Variants in ZNF407 observed in about 807,000 individuals in gnomAD.
The protein encoded by ZNF407 is zinc finger protein 407.
A neutral mutation model predicts 131.2 loss-of-function variants in ZNF407; 17 were observed. The ratio of observed to expected loss-of-function variants is 0.13; its 90% confidence interval spans 0.09 to 0.19. ZNF407 has a LOEUF of 0.19. Ranked by LOEUF, ZNF407 falls within the 10% of genes least tolerant of loss-of-function variation. The probability of loss-of-function intolerance (pLI) is 1.00; values close to 1 mark genes in which losing one functional copy is unlikely to be tolerated. For synonymous variants in ZNF407, 1,156 were observed against 1,062.0 expected, an observed-to-expected ratio of 1.09 and a Z score of -1.72; for missense variants, 2,681 against 2,830.6, an observed-to-expected ratio of 0.95 and a Z score of 1.20.
chr18:74,693,298 G>A (rs182701426), intron 3 of ZNF407, among the ~76,000 whole-genome samples: 48 of 152,298 alleles, frequency 3.2e-4, no homozygotes, highest in Non-Finnish European at 4.4e-5. Flanking sequence ...CTCATTGTTA[G>A]CATGGGAGTG....
chr18:74,926,537 C>T (rs1406542957), intron 8 of ZNF407, among the ~76,000 whole-genome samples: 3 of 152,170 alleles, frequency 2.0e-5, no homozygotes, highest in Non-Finnish European at 4.4e-5. Flanking sequence ...GGCGTGGTGG[C>T]TCACGCCTGT....
At chr18:74,954,193 A>G (rs1375526989) in intron 8 of ZNF407, among the ~76,000 whole-genome samples, 1 of 152,180 alleles carries the variant, frequency 6.6e-6, no homozygotes, top group Non-Finnish European at 1.5e-5. Flanking sequence ...GCATTTTTTG[A>G]TCATTTGGCT....
At chr18:74,890,619 A>G (rs1346854562) in intron 7 of ZNF407, among the ~76,000 whole-genome samples, 1 of 152,210 alleles carries the variant, frequency 6.6e-6, no homozygotes, top group Non-Finnish European at 1.5e-5. Context: ...CAACCCATTT[A>G]TGGTATCTTG....
chr18:75,026,747 A>G (rs932187131), intron 8 of ZNF407, among the ~76,000 whole-genome samples: 1 of 152,208 alleles, frequency 6.6e-6, no homozygotes, highest in African/African-American at 2.4e-5. Context: ...ACACCTCACT[A>G]AATACTTTGA....
In ZNF407 at chr18:74,897,742, T is replaced by C. The variant is rs117787395; in HGVS notation, c.5249+7704T>C. On this transcript the variant is annotated intron_variant, in intron 7 of 8. Coordinates refer to ENST00000299687, the MANE Select transcript of ZNF407 (RefSeq NM_017757.3). ...TGTAACTATCTATATCTTCCAGCAA[T>C]AGAAGCTCATACAGTGTAGCTTATT... Among the ~76,000 whole-genome samples the C allele has an allele frequency of 8.5e-3, 1,293 of 152,302 alleles. 14 individuals are homozygous for C. Among genetic ancestry groups the C allele is most frequent in the South Asian group, 0.018 (88 of 4,826 alleles).
At chr18:74,921,808 A>C (rs1173275607) in intron 8 of ZNF407, among the ~76,000 whole-genome samples, 1 of 152,158 alleles carries the variant, frequency 6.6e-6, no homozygotes, top group Non-Finnish European at 1.5e-5. Flanking sequence ...GGGGATTGTG[A>C]TATATATCAC....
chr18:74,809,136 A>G (rs1401667817), intron 4 of ZNF407, among the ~76,000 whole-genome samples: 2 of 152,220 alleles, frequency 1.3e-5, no homozygotes, highest in Non-Finnish European at 2.9e-5. Flanking sequence ...TCCCACTCTT[A>G]GATCCGGCAT....
intron 8 of ZNF407, among the ~76,000 whole-genome samples, chr18:74,950,013 C>G (rs1026856710): frequency 6.6e-6 from 1 of 152,172 alleles, no homozygotes; most frequent in Non-Finnish European, 1.5e-5. Flanking sequence ...ATATTGCCTT[C>G]CCAGCAGCAG....
rs546728675 is a variant in ZNF407 at position 75,064,015 on chromosome 18, C to T, written c.6294C>T (p.Val2098=). The part of the protein sequence containing the change: ...VCDTAAAGQL[V]KDGVTQVVVS... ...ACACGGCCGCGGCCGGCCAGTTGGT[C>T]AAGGACGGTGTCACCCAGGTGGTGG... The change falls in exon 9 of 9, where the codon GTC becomes GTT. Residue 2098 remains valine, a synonymous_variant. Coordinates refer to ENST00000299687, the MANE Select transcript of ZNF407 (RefSeq NM_017757.3). 6.2e-7 allele frequency: 1 copy of T among 1,607,682 alleles called. No homozygotes were observed. The highest frequency in any genetic ancestry group is 1.3e-5 in the African/African-American group (1 of 74,928).
intron 8 of ZNF407, among the ~76,000 whole-genome samples, chr18:74,944,159 C>T (rs1972129890): frequency 6.6e-6 from 1 of 152,110 alleles, no homozygotes; most frequent in Admixed American, 6.5e-5. Flanking sequence ...CCAAAGGCAC[C>T]TACTCAAAAT....
rs529822424 is a variant in ZNF407, at chr18:74,683,048, A to G, written c.4802+41926A>G. On this transcript the variant is annotated intron_variant, in intron 3 of 8. Transcript: ENST00000299687. ...TAGCTGTTGTTAGTATGTCCTTGCT[A>G]AACTACTGGTTTAGCTTTCTGAAGA... Among the ~76,000 whole-genome samples the G allele has an allele frequency of 7.6e-4, 116 of 152,290 alleles. 1 individual carries two copies. The highest frequency in any genetic ancestry group is 2.6e-3 in the African/African-American group (108 of 41,566).
In ZNF407 at chr18:74,761,464, A is replaced by G. The variant is rs74897469; in HGVS notation, c.4803-19964A>G. On this transcript the variant is annotated intron_variant, in intron 3 of 8. Coordinates refer to ENST00000299687, the MANE Select transcript of ZNF407 (RefSeq NM_017757.3). ...CAAAGCACATTGTCTGAAAATATTT[A>G]TTAATTGGTTTGATATTACAAGATG... Among the ~76,000 whole-genome samples, 352 of 152,206 alleles carry G rather than the reference A, an allele frequency of 2.3e-3. 2 individuals carry two copies. Among genetic ancestry groups the G allele is most frequent in the African/African-American group, 8.1e-3 (336 of 41,546 alleles).
intron 3 of ZNF407, among the ~76,000 whole-genome samples, chr18:74,652,953 G>A (rs1985294529): frequency 6.6e-6 from 1 of 152,004 alleles, no homozygotes; most frequent in Non-Finnish European, 1.5e-5. Flanking sequence ...AACAAGGGAG[G>A]TTATTAGCAA....
intron 4 of ZNF407, among the ~76,000 whole-genome samples, chr18:74,785,045 C>T (rs1245241463): frequency 6.6e-6 from 1 of 152,074 alleles, no homozygotes; most frequent in Non-Finnish European, 1.5e-5. Flanking sequence ...GGCAGCATCT[C>T]AAGAAGGCTG....
chr18:74,652,617 T>G lies in ZNF407; in HGVS notation c.4802+11495T>G, dbSNP rs116679089. On this transcript the variant is annotated intron_variant, in intron 3 of 8. Coordinates refer to ENST00000299687, the MANE Select transcript of ZNF407 (RefSeq NM_017757.3). ...CTCTAACACTTCTACTGGGGTAAGT[T>G]TTGTGATTGAAACAATACAAAAGGT... 3.8e-3 allele frequency among the ~76,000 whole-genome samples: 584 copies of G among 152,122 alleles called. 1 individual carries two copies. The highest frequency in any genetic ancestry group is 0.013 in the African/African-American group (554 of 41,546).
chr18:74,801,114 C>T (rs149216122), intron 4 of ZNF407, among the ~76,000 whole-genome samples: 9 of 152,102 alleles, frequency 5.9e-5, no homozygotes, highest in African/African-American at 2.2e-4. Context: ...TTTTGGAATA[C>T]TTGGAAATAG....
At chr18:74,647,782 C>T (rs1184032672) in intron 3 of ZNF407, among the ~76,000 whole-genome samples, 2 of 152,112 alleles carry the variant, frequency 1.3e-5, no homozygotes, top group Admixed American at 6.5e-5. Context: ...GGTGCCCGGG[C>T]TGTCTGTGTT....
intron 4 of ZNF407, among the ~76,000 whole-genome samples, chr18:74,829,185 A>T (rs1970449553): frequency 6.6e-6 from 1 of 152,228 alleles, no homozygotes; most frequent in East Asian, 1.9e-4. Flanking sequence ...ATTAAAAGGA[A>T]ATAGAGATGG....
intron 8 of ZNF407, among the ~76,000 whole-genome samples, chr18:74,980,831 C>A (rs888947558): frequency 1.3e-5 from 2 of 152,148 alleles, no homozygotes; most frequent in African/African-American, 4.8e-5. Context: ...AGAAAGGGAG[C>A]ACCAGTCCTG....
Sources: allele counts gnomAD v4.1 joint callset (sites outside exome capture counted in the v4.1 genomes callset), GRCh38; gene constraint gnomAD v4.1.1; transcripts MANE v1.5; gene names NCBI Gene and HGNC (gene_info 2026-07-23, HGNC 2026-07-21).